PANX1: variants seen among roughly 807,000 people sequenced by gnomAD.
The protein encoded by PANX1 is pannexin 1, also known as pannexin-1.
Under a neutral mutation model 38.7 loss-of-function variants are expected in PANX1, and 30 were observed. The observed-to-expected ratio is 0.78, with a 90% confidence interval of 0.58 to 1.05. The LOEUF is 1.05. Among genes scored for constraint, PANX1 ranks in the 50% least tolerant of loss-of-function variants. The pLI, the probability that PANX1 is intolerant of heterozygous loss-of-function variation, is 0.00. For missense variants in PANX1, 551 were observed against 517.2 expected (o/e 1.07, Z -0.63); for synonymous variants, 230 against 212.2 (o/e 1.08, Z -0.73).
At chr11:94,161,446 C>A (rs931747256) in intron 2 of PANX1, among the ~76,000 whole-genome samples, 1 of 152,170 alleles carries the variant, frequency 6.6e-6, no homozygotes, top group African/African-American at 2.4e-5. Context: ...CTCTAAACTT[C>A]TCTTCTCACT....
At chr11:94,176,954 A>G (rs1947241889) in intron 2 of PANX1, among the ~76,000 whole-genome samples, 1 of 151,652 alleles carries the variant, frequency 6.6e-6, no homozygotes, top group African/African-American at 2.4e-5. Context: ...TAACGTGTCC[A>G]CCTAGCTAAT....
At chr11:94,172,260 G>A (rs4753546) in intron 2 of PANX1, among the ~76,000 whole-genome samples, 79,873 of 151,058 alleles carry the variant, frequency 0.53, 22,399 homozygotes, top group African/African-American at 0.66. Context: ...AGGAGATTCT[G>A]ATGTGAGCCC....
At chr11:94,147,319 C>T (rs534162503) in intron 1 of PANX1, among the ~76,000 whole-genome samples, 2 of 152,208 alleles carry the variant, frequency 1.3e-5, no homozygotes, top group Admixed American at 1.3e-4. Context: ...ACATCCAGTA[C>T]TTTCATCTTA....
intron 2 of PANX1, among the ~76,000 whole-genome samples, chr11:94,164,924 A>G (rs972914713): frequency 6.6e-6 from 1 of 152,186 alleles, no homozygotes; most frequent in Non-Finnish European, 1.5e-5. Context: ...ATCATTATAT[A>G]ATGACTTACT....
At chr11:94,152,898 A>G (rs7117862) in intron 1 of PANX1, among the ~76,000 whole-genome samples, 80,820 of 151,926 alleles carry the variant, frequency 0.53, 22,374 homozygotes, top group African/African-American at 0.68. Flanking sequence ...GGAGGTTTGC[A>G]GTCGTGAGCG....
At chr11:94,144,798 C>T (rs1286234520) in intron 1 of PANX1, among the ~76,000 whole-genome samples, 1 of 152,088 alleles carries the variant, frequency 6.6e-6, no homozygotes, top group East Asian at 1.9e-4. Flanking sequence ...ACCACACACT[C>T]AGGGCTGAAT....
intron 1 of PANX1, among the ~76,000 whole-genome samples, chr11:94,138,712 C>T (rs763705292): frequency 2.0e-5 from 3 of 152,176 alleles, no homozygotes; most frequent in Non-Finnish European, 4.4e-5. Context: ...TGACTACAGT[C>T]ACTCTATTGT....
chr11:94,156,936 G>C (rs11020661), intron 2 of PANX1, among the ~76,000 whole-genome samples: 80,617 of 151,050 alleles, frequency 0.53, 22,363 homozygotes, highest in African/African-American at 0.68. Context: ...TCCATGTGTT[G>C]TCGTTGTTCA....
intron 2 of PANX1, among the ~76,000 whole-genome samples, chr11:94,158,930 C>T (rs895376484): frequency 4.6e-5 from 7 of 152,124 alleles, no homozygotes; most frequent in Admixed American, 3.3e-4. Context: ...GCCATCAATA[C>T]GTAATTTATT....
intron 2 of PANX1, among the ~76,000 whole-genome samples, chr11:94,154,394 T>G (rs1437153657): frequency 6.6e-6 from 1 of 152,228 alleles, no homozygotes; most frequent in Non-Finnish European, 1.5e-5. Context: ...CTGCATTAGG[T>G]CTTCTCTGTG....
intron 1 of PANX1, among the ~76,000 whole-genome samples, chr11:94,148,946 G>A (rs1241282868): frequency 6.6e-6 from 1 of 151,882 alleles, no homozygotes; most frequent in Non-Finnish European, 1.5e-5. Flanking sequence ...TGTTTAAAAG[G>A]TAGAGAGAGC....
intron 2 of PANX1, among the ~76,000 whole-genome samples, chr11:94,158,229 A>G (rs75478147): frequency 0.53 from 80,121 of 151,530 alleles, 22,002 homozygotes; most frequent in African/African-American, 0.67. Flanking sequence ...TTGGCGATGC[A>G]GGCTCTTTTT....
At chr11:94,177,189 C>T (rs1189653506) in intron 2 of PANX1, among the ~76,000 whole-genome samples, 1 of 150,960 alleles carries the variant, frequency 6.6e-6, no homozygotes, top group East Asian at 1.9e-4. Context: ...GTGAACTTGG[C>T]GGTTCCAAGA....
At chr11:94,156,981 G>A (rs1325827947) in intron 2 of PANX1, among the ~76,000 whole-genome samples, 1 of 151,828 alleles carries the variant, frequency 6.6e-6, no homozygotes, top group African/African-American at 2.4e-5. Context: ...GCGGTGTTTG[G>A]TTTTTTTGTC....
chr11:94,180,389 G>C, intron 4 of PANX1, 132 bp downstream of exon 4: 1 of 742,654 alleles, frequency 1.3e-6, no homozygotes, highest in East Asian at 2.7e-5. Context: ...TTAATACCAA[G>C]GTGCGGGGTA....
At chr11:94,164,036 C>A (rs1161089759) in intron 2 of PANX1, among the ~76,000 whole-genome samples, 1 of 151,546 alleles carries the variant, frequency 6.6e-6, no homozygotes, top group Non-Finnish European at 1.5e-5. Flanking sequence ...TCATAATAGT[C>A]TTTAGTGATC....
intron 1 of PANX1, among the ~76,000 whole-genome samples, chr11:94,135,471 G>T (rs946355242): frequency 2.0e-5 from 3 of 152,160 alleles, no homozygotes; most frequent in Admixed American, 2.0e-4. Flanking sequence ...ATATCTTCAG[G>T]CTGCTTTTTA....
At chr11:94,132,114 C>T (rs1021167243) in intron 1 of PANX1, among the ~76,000 whole-genome samples, 1 of 152,214 alleles carries the variant, frequency 6.6e-6, no homozygotes, top group African/African-American at 2.4e-5. Context: ...TGAAACTACT[C>T]TATAAACATT....
intron 2 of PANX1, among the ~76,000 whole-genome samples, chr11:94,165,725 A>AT (rs974547078): frequency 6.6e-6 from 1 of 152,136 alleles, no homozygotes; most frequent in African/African-American, 2.4e-5. Context: ...AGCCTGCCCA[A>AT]CATGGAGAAA....
Sources: allele counts gnomAD v4.1 joint callset (sites outside exome capture counted in the v4.1 genomes callset), GRCh38; gene constraint gnomAD v4.1.1; transcripts MANE v1.5; gene names NCBI Gene and HGNC (gene_info 2026-07-23, HGNC 2026-07-21).